The following ACTR3C variants were observed in gnomAD, a reference collection of about 807,000 sequenced individuals.
The protein encoded by ACTR3C is actin-related protein 3C.
In ACTR3C, 18 loss-of-function variants were observed where a neutral mutation model predicts 26.3. The ratio of observed to expected loss-of-function variants is 0.68; its 90% confidence interval spans 0.47 to 1.01. The LOEUF (loss-of-function observed/expected upper bound fraction) is 1.01. Ranked by LOEUF, ACTR3C falls within the 50% of genes least tolerant of loss-of-function variation. ACTR3C has a pLI of 0.00. For synonymous variants in ACTR3C, 55 were observed against 94.5 expected (o/e 0.58, Z 2.42); for missense variants, 184 against 250.7 (o/e 0.73, Z 1.80).
At chr7:149,927,847 G>C in the ACTR3C span, among the ~76,000 whole-genome samples, 13 of 152,180 alleles carry the variant, frequency 8.5e-5, no homozygotes, top group African/African-American at 2.9e-4. Flanking sequence ...AGAACTTTGG[G>C]GGATGCTCAC....
At chr7:150,049,866 A>T in the ACTR3C span, among the ~76,000 whole-genome samples, 3 of 93,886 alleles carry the variant, frequency 3.2e-5, no homozygotes, top group Non-Finnish European at 4.9e-5. Flanking sequence ...AAAACACTTT[A>T]AAAAAATAGC....
chr7:150,051,092 G>A, the ACTR3C span, among the ~76,000 whole-genome samples: 2 of 134,702 alleles, frequency 1.5e-5, no homozygotes, highest in African/African-American at 5.6e-5. Flanking sequence ...GACAGAGCAC[G>A]ACTCCATCTC....
chr7:150,323,531 G>C lies in ACTR3C; in HGVS notation c.-114C>G. On this transcript the variant is annotated 5_prime_UTR_variant, in exon 1 of 8. Coordinates refer to ENST00000683684, the MANE Select transcript of ACTR3C (RefSeq NM_001164458.2). ...GCCGGACTTCCCAGCTTGGCCAGTG[G>C]CTCCGCAGGCTGCCGGCTCCACCCC... is the stretch of plus-strand genomic sequence containing the variant. 1 of 437,646 alleles carries C rather than the reference G, an allele frequency of 2.3e-6. No homozygotes were observed. The highest frequency in any genetic ancestry group is 2.5e-5 in the Admixed American group (1 of 40,118). The allele number at this position is 437,646 out of a possible 1,614,324, so 27.1% of individuals were successfully genotyped here. A position where few individuals can be genotyped will look rare whatever the true frequency, so the allele number is the denominator to read the frequency against.
the ACTR3C span, among the ~76,000 whole-genome samples, chr7:149,955,597 G>A: frequency 1.3e-5 from 2 of 152,114 alleles, no homozygotes; most frequent in Non-Finnish European, 2.9e-5. Flanking sequence ...GCAACAAGCT[G>A]TATTTTCTTA....
chr7:150,294,050 G>A (rs1584949997), intron 2 of ACTR3C, among the ~76,000 whole-genome samples: 2 of 152,120 alleles, frequency 1.3e-5, no homozygotes, highest in South Asian at 4.1e-4. Flanking sequence ...ATTGGTTTCC[G>A]GCGTGGGGCC....
At chr7:150,026,129 C>T in the ACTR3C span, among the ~76,000 whole-genome samples, 3 of 151,994 alleles carry the variant, frequency 2.0e-5, no homozygotes, top group Non-Finnish European at 4.4e-5. Context: ...TCTCCTTTTT[C>T]CAGCAGCCCT....
the ACTR3C span, among the ~76,000 whole-genome samples, chr7:150,030,909 G>A: frequency 2.0e-5 from 3 of 152,142 alleles, no homozygotes; most frequent in Non-Finnish European, 2.9e-5. Flanking sequence ...CACAACAGCA[G>A]AGGGCTCTGT....
At chr7:150,037,991 G>A in the ACTR3C span, among the ~76,000 whole-genome samples, 743 of 137,082 alleles carry the variant, frequency 5.4e-3, 115 homozygotes, top group African/African-American at 0.02. Flanking sequence ...CGCAGTCCCC[G>A]CCTCGCGGGA....
the ACTR3C span, among the ~76,000 whole-genome samples, chr7:150,191,353 T>C: frequency 6.6e-6 from 1 of 152,192 alleles, no homozygotes; most frequent in Admixed American, 6.5e-5. Context: ...AAGAAAACAG[T>C]ATATTCCCCC....
chr7:149,901,789 C>T, the ACTR3C span, among the ~76,000 whole-genome samples: 2,880 of 151,678 alleles, frequency 0.019, 55 homozygotes, highest in African/African-American at 0.047. Context: ...TGGCACATGT[C>T]GGTAATCCCA....
At chr7:150,074,466 C>T in the ACTR3C span, 10 of 152,218 alleles carry the variant, frequency 6.6e-5, no homozygotes, top group African/African-American at 2.4e-4. Context: ...CGGACGCTCA[C>T]CCATACCCTG....
the ACTR3C span, among the ~76,000 whole-genome samples, chr7:149,905,657 A>G: frequency 2.0e-5 from 3 of 150,570 alleles, no homozygotes; most frequent in African/African-American, 7.3e-5. Flanking sequence ...AATGCAATAG[A>G]AAAATGGGCA....
the ACTR3C span, among the ~76,000 whole-genome samples, chr7:149,938,350 CAG>C: frequency 1.3e-5 from 2 of 151,848 alleles, no homozygotes; most frequent in African/African-American, 4.8e-5. Flanking sequence ...AGAGAAAATG[CAG>C]AGAGAAAAAG....
chr7:150,154,174 GTAAC>G, the ACTR3C span, among the ~76,000 whole-genome samples: 214 of 151,344 alleles, frequency 1.4e-3, 1 homozygote, highest in African/African-American at 4.9e-3. Context: ...GTATACATAT[GTAAC>G]TAACCTGCAC....
intron 1 of ACTR3C, among the ~76,000 whole-genome samples, chr7:150,297,937 A>T (rs866425458): frequency 0.02 from 2,934 of 144,770 alleles, 116 homozygotes; most frequent in African/African-American, 0.071. Context: ...GAAAAAAATG[A>T]TATCAAGTTG....
chr7:150,078,186 A>G, the ACTR3C span, among the ~76,000 whole-genome samples: 1 of 152,012 alleles, frequency 6.6e-6, no homozygotes, highest in Admixed American at 6.5e-5. Context: ...GATGCTTCAC[A>G]TCTTTCGCAT....
At chr7:150,123,735 T>C in the ACTR3C span, among the ~76,000 whole-genome samples, 2 of 152,116 alleles carry the variant, frequency 1.3e-5, no homozygotes, top group African/African-American at 4.8e-5. Context: ...GAGATTTCTG[T>C]ATTTAAGGCT....
the ACTR3C span, among the ~76,000 whole-genome samples, chr7:150,090,045 T>C: frequency 6.6e-6 from 1 of 152,240 alleles, no homozygotes; most frequent in Non-Finnish European, 1.5e-5. Context: ...CCTTAGTTGC[T>C]ATCTGCATCA....
At chr7:150,012,317 C>CTTTTTTTTTTTTTTTTTTTTT in the ACTR3C span, among the ~76,000 whole-genome samples, 87 of 131,240 alleles carry the variant, frequency 6.6e-4, 25 homozygotes, top group Middle Eastern at 3.9e-3. Flanking sequence ...ATAAATGCAT[C>CTTTTTTTTTTTTTTTTTTTTT]TTTTTTTTTT....
Sources: allele counts gnomAD v4.1 joint callset (sites outside exome capture counted in the v4.1 genomes callset), GRCh38; gene constraint gnomAD v4.1.1; transcripts MANE v1.5; gene names NCBI Gene and HGNC (gene_info 2026-07-23, HGNC 2026-07-21).